The following ELFN2 variants were observed in gnomAD, a reference collection of about 807,000 sequenced individuals.
ELFN2 encodes the protein protein phosphatase 1 regulatory subunit 29.
Under a neutral mutation model 45.5 loss-of-function variants are expected in ELFN2, and 17 were observed. The observed-to-expected ratio is 0.37, with a 90% CI of 0.26 to 0.56. The LOEUF is 0.56. Ranked by LOEUF, ELFN2 falls within the 20% of genes least tolerant of loss-of-function variation. The pLI is 0.77. For synonymous variants in ELFN2, 550 were observed against 551.5 expected (o/e 1.00, Z 0.04); for missense variants, 922 against 1,183.2 (o/e 0.78, Z 3.24).
At chr22:37,397,643 C>G (rs1932250058) in intron 2 of ELFN2, among the ~76,000 whole-genome samples, 1 of 152,162 alleles carries the variant, frequency 6.6e-6, no homozygotes, top group South Asian at 2.1e-4. Flanking sequence ...CCCGCGTGAC[C>G]TTCTTATGTG....
chr22:37,357,306 G>T (rs1283829167), intron 1 of ELFN2, among the ~76,000 whole-genome samples: 1 of 152,200 alleles, frequency 6.6e-6, no homozygotes, highest in Non-Finnish European at 1.5e-5. Flanking sequence ...GTTGGGGAAT[G>T]TCTTAATAAT....
At chr22:37,424,383 A>C (rs1234625285) in intron 1 of ELFN2, among the ~76,000 whole-genome samples, 2 of 152,204 alleles carry the variant, frequency 1.3e-5, no homozygotes, top group African/African-American at 4.8e-5. Flanking sequence ...GATATTGAGG[A>C]ACAGGCATGG....
chr22:37,419,170 C>G (rs917053965), intron 1 of ELFN2, among the ~76,000 whole-genome samples: 8 of 152,162 alleles, frequency 5.3e-5, no homozygotes, highest in Middle Eastern at 3.4e-3. Context: ...CCCCTCTCCC[C>G]GCCACACTGC....
chr22:37,399,599 C>T (rs1932311213), intron 2 of ELFN2, among the ~76,000 whole-genome samples: 1 of 144,950 alleles, frequency 6.9e-6, no homozygotes, highest in Non-Finnish European at 1.5e-5. Context: ...GGACCACCAG[C>T]CCACCTCTCC....
At position 37,373,309 on chromosome 22, in the gene ELFN2, G is replaced by C. The variant is rs754045388; in HGVS notation, c.2226C>G (p.Thr742=). 1.2e-6 allele frequency: 2 copies of C among 1,613,770 alleles called. No individual in the cohort carries two copies. Among genetic ancestry groups the C allele is most frequent in the East Asian group, 2.2e-5 (1 of 44,886 alleles). ...KPLTRSKRDS[T]YSQLSPRHYY... ...AGTGTCTGGGGGAGAGCTGCGAGTA[G>C]GTGGAGTCACGCTTGGAGCGGGTCA... Residue 742 remains threonine, a synonymous_variant, in exon 3 of 3, where the codon ACC becomes ACG. Transcript: ENST00000402918.
intron 2 of ELFN2, among the ~76,000 whole-genome samples, chr22:37,399,874 G>C (rs1394780388): frequency 6.6e-6 from 1 of 152,194 alleles, no homozygotes; most frequent in Non-Finnish European, 1.5e-5. Flanking sequence ...CCTGGTAAAT[G>C]AAAGAAGGAA....
intron 2 of ELFN2, among the ~76,000 whole-genome samples, chr22:37,386,149 A>G (rs1404280460): frequency 6.6e-6 from 1 of 152,130 alleles, no homozygotes; most frequent in Non-Finnish European, 1.5e-5. Flanking sequence ...CCCTCTCCCA[A>G]ACATTATTCC....
At chr22:37,386,020 A>C (rs1472146567) in intron 2 of ELFN2, among the ~76,000 whole-genome samples, 1 of 152,064 alleles carries the variant, frequency 6.6e-6, no homozygotes, top group African/African-American at 2.4e-5. Flanking sequence ...CCCACTGGGG[A>C]GAGGTCCCCA....
chr22:37,396,847 G>T (rs1932225829), intron 2 of ELFN2, among the ~76,000 whole-genome samples: 1 of 152,128 alleles, frequency 6.6e-6, no homozygotes, highest in African/African-American at 2.4e-5. Context: ...GTCAACTCCT[G>T]CCTCTCCCAC....
downstream of ELFN2, among the ~76,000 whole-genome samples, chr22:37,366,410 G>A (rs546942793): frequency 1.4e-4 from 22 of 152,354 alleles, no homozygotes; most frequent in African/African-American, 4.8e-4. Context: ...GCCCAAGGCC[G>A]GCAGAGGCAG....
chr22:37,403,145 A>C (rs1932407011), intron 2 of ELFN2, among the ~76,000 whole-genome samples: 2 of 151,552 alleles, frequency 1.3e-5, no homozygotes, highest in South Asian at 2.1e-4. Flanking sequence ...TCTCTCACCA[A>C]TCGCAAGTCC....
chr22:37,413,596 C>A (rs1246672045), intron 2 of ELFN2, among the ~76,000 whole-genome samples: 2 of 151,962 alleles, frequency 1.3e-5, no homozygotes, highest in Admixed American at 1.3e-4. Context: ...ATCCCACAGC[C>A]CATTAATGGC....
intron 2 of ELFN2, among the ~76,000 whole-genome samples, chr22:37,415,562 T>C (rs1345226915): frequency 6.6e-6 from 1 of 152,174 alleles, no homozygotes; most frequent in African/African-American, 2.4e-5. Flanking sequence ...CTCAGGACCG[T>C]ACTCCCACCA....
chr22:37,376,757 T>TG, intron 2 of ELFN2, among the ~76,000 whole-genome samples: 1 of 152,306 alleles, frequency 6.6e-6, no homozygotes, highest in South Asian at 2.1e-4. Context: ...GGCCAGACTC[T>TG]GGGAGGCCAG....
At chr22:37,382,707 G>A (rs890551653) in intron 2 of ELFN2, among the ~76,000 whole-genome samples, 6 of 151,850 alleles carry the variant, frequency 4.0e-5, no homozygotes, top group East Asian at 3.9e-4. Context: ...ATGCCACGAC[G>A]CCCAGCTAAT....
chr22:37,343,650 C>A (rs935931572), intron 1 of ELFN2, among the ~76,000 whole-genome samples: 4 of 152,038 alleles, frequency 2.6e-5, no homozygotes, highest in African/African-American at 9.7e-5. Context: ...CTGCCAGCCA[C>A]CAGCAGGAGG....
At chr22:37,381,955 C>CAAAAAAA (rs1159476533) in intron 2 of ELFN2, among the ~76,000 whole-genome samples, 1 of 59,234 alleles carries the variant, frequency 1.7e-5, no homozygotes, top group Non-Finnish European at 3.0e-5. Context: ...GACTCCGTCT[C>CAAAAAAA]AAAAAAAAAA....
rs1377351915 is a variant in ELFN2 at position 37,404,180 on chromosome 22, G to A, written c.-463+13589C>T. Among the ~76,000 whole-genome samples the A allele has an allele frequency of 2.6e-5, 4 of 152,320 alleles. No individual in the cohort carries two copies. In the East Asian group the frequency reaches 7.7e-4, roughly 29 times the overall value. On this transcript the variant is annotated intron_variant, in intron 2 of 2. Coordinates refer to ENST00000402918, the MANE Select transcript of ELFN2 (RefSeq NM_052906.5). ...GCAGATCTCAAGGTTCTGGATCTTG[G>A]CCCAAGGGCAGTGGGGAGCCAGTGA...
chr22:37,416,131 G>A (rs133736), intron 2 of ELFN2, among the ~76,000 whole-genome samples: 48,207 of 152,084 alleles, frequency 0.32, 7,795 homozygotes, highest in Non-Finnish European at 0.36. Context: ...GTCCTCCACC[G>A]TAAAAACCAG....
Sources: allele counts gnomAD v4.1 joint callset (sites outside exome capture counted in the v4.1 genomes callset), GRCh38; gene constraint gnomAD v4.1.1; transcripts MANE v1.5; gene names NCBI Gene and HGNC (gene_info 2026-07-23, HGNC 2026-07-21).